Variants in USP53 observed in about 807,000 individuals in gnomAD.
The protein encoded by USP53 is ubiquitin specific peptidase 53.
A neutral mutation model predicts 94.9 loss-of-function variants in USP53; 71 were observed. The observed-to-expected ratio is 0.75, with a 90% CI of 0.62 to 0.91. USP53 has a LOEUF of 0.91. Ranked by LOEUF, USP53 falls within the 40% of genes least tolerant of loss-of-function variation. USP53 has a pLI of 0.00. For synonymous variants in USP53, 375 were observed against 422.7 expected, an observed-to-expected ratio of 0.89 and a Z score of 1.39; for missense variants, 1,173 against 1,281.0, an observed-to-expected ratio of 0.92 and a Z score of 1.29.
chr4:119,268,562 C>A, intron 14 of USP53, 142 bp downstream of exon 14: 1 of 849,166 alleles, frequency 1.2e-6, no homozygotes, highest in Non-Finnish European at 1.7e-6. Flanking sequence ...TTGATTTATG[C>A]ATTTCTCTGA....
In USP53 at chr4:119,269,676, T is replaced by A. The variant is rs1751604595; in HGVS notation, c.1289-15T>A. 3 of 1,372,102 alleles carry A rather than the reference T, an allele frequency of 2.2e-6. No homozygotes were observed. The highest frequency in any genetic ancestry group is 2.8e-6 in the Non-Finnish European group (3 of 1,056,098). 85.0% of individuals were successfully genotyped at this position (1,372,102 alleles called of 1,614,324 possible). ...AAAATGATCTGTATCATAGTAAGAA[T>A]GATTTCTTTTACAGCTAAGTTAAGT... is the stretch of plus-strand genomic sequence containing the variant. On this transcript the variant is annotated splice_polypyrimidine_tract_variant and intron_variant, in intron 14 of 18. Coordinates refer to ENST00000692078, the MANE Select transcript of USP53 (RefSeq NM_001371395.1).
chr4:119,269,566 C>G (rs1020492460), intron 14 of USP53, 125 bp from the exon 15 acceptor site: 1 of 572,208 alleles, frequency 1.7e-6, no homozygotes, highest in African/African-American at 2.0e-5. Flanking sequence ...CCATTGTATA[C>G]TATATATCTA....
chr4:119,227,229 AAATT>A (rs1021404478), intron 3 of USP53, among the ~76,000 whole-genome samples: 2 of 142,092 alleles, frequency 1.4e-5, no homozygotes, highest in East Asian at 2.1e-4. Context: ...TGTTTGGACA[AAATT>A]AATCCAAAGC....
chr4:119,276,388 T>A (rs1332170964), intron 17 of USP53, among the ~76,000 whole-genome samples: 1 of 150,594 alleles, frequency 6.6e-6, no homozygotes, highest in Non-Finnish European at 1.5e-5. Flanking sequence ...TCTGTTTATA[T>A]GCTGGATTAC....
chr4:119,279,263 G>T (rs1361354622), intron 17 of USP53, among the ~76,000 whole-genome samples: 1 of 111,580 alleles, frequency 9.0e-6, no homozygotes, highest in African/African-American at 3.5e-5. Flanking sequence ...TGATGGTGAT[G>T]TACAGATGGG....
intron 7 of USP53, among the ~76,000 whole-genome samples, chr4:119,250,460 A>C (rs867133850): frequency 6.6e-6 from 1 of 152,238 alleles, no homozygotes; most frequent in South Asian, 2.1e-4. Context: ...GCACACTTGC[A>C]TGTTGATTAA....
At chr4:119,266,318 A>G (rs1205846133) in intron 12 of USP53, 1 of 455,972 alleles carries the variant, frequency 2.2e-6, no homozygotes. Context: ...TTGAAGTGGG[A>G]TTTCTGGGTT....
chr4:119,292,349 A>T lies in USP53; in HGVS notation c.2360A>T (p.His787Leu), dbSNP rs1179012374. The change falls in exon 19 of 19, where the codon CAT becomes CTT. Residue 787 changes from histidine (H) to leucine (L), a missense_variant. Coordinates refer to ENST00000692078, the MANE Select transcript of USP53 (RefSeq NM_001371395.1). ...TTTTCATATTTCAGATCACATGTAC[A>T]TGAAGACAATGGAAAGTTATTTCCT... The part of the protein sequence containing the change: ...KNHLIKRSHV[H>L]EDNGKLFPSS... 4 of 1,599,704 alleles carry T rather than the reference A, an allele frequency of 2.5e-6. No individual in the cohort carries two copies. The highest frequency in any genetic ancestry group is 3.4e-6 in the Non-Finnish European group (4 of 1,174,264).
chr4:119,281,845 A>G (rs936073303), intron 17 of USP53, among the ~76,000 whole-genome samples: 3 of 152,246 alleles, frequency 2.0e-5, no homozygotes, highest in Admixed American at 6.5e-5. Context: ...CATTCTAACT[A>G]TTTTTAAGTG....
At chr4:119,235,615 C>T (rs1746633083) in intron 4 of USP53, among the ~76,000 whole-genome samples, 1 of 152,034 alleles carries the variant, frequency 6.6e-6, no homozygotes, top group South Asian at 2.1e-4. Context: ...TTAAAAAGGG[C>T]TTGTGAGATC....
chr4:119,272,213 A>G (rs1561312472), intron 16 of USP53, 179 bp downstream of exon 16: 4 of 496,744 alleles, frequency 8.1e-6, no homozygotes, highest in Non-Finnish European at 1.3e-5. Context: ...GAAACCTAGG[A>G]TATTGTAGTT....
chr4:119,226,767 A>G (rs1013400517), intron 3 of USP53, among the ~76,000 whole-genome samples: 4 of 152,190 alleles, frequency 2.6e-5, no homozygotes, highest in Admixed American at 6.5e-5. Flanking sequence ...AAGCACAATT[A>G]CTTTTGGACC....
At chr4:119,270,618 C>T (rs968732078) in intron 15 of USP53, among the ~76,000 whole-genome samples, 1 of 152,090 alleles carries the variant, frequency 6.6e-6, no homozygotes, top group African/African-American at 2.4e-5. Flanking sequence ...CTGACCTTCC[C>T]CCTCTTTACT....
intron 2 of USP53, among the ~76,000 whole-genome samples, chr4:119,217,146 G>T (rs1211788636): frequency 6.6e-6 from 1 of 152,062 alleles, no homozygotes; most frequent in African/African-American, 2.4e-5. Context: ...TCACTATCAG[G>T]GTATGGATTC....
intron 7 of USP53, among the ~76,000 whole-genome samples, chr4:119,253,640 A>C (rs1429284630): frequency 5.3e-5 from 8 of 152,072 alleles, no homozygotes; most frequent in Non-Finnish European, 8.8e-5. Flanking sequence ...TCTCCTGAAT[A>C]CAGCACACTG....
At chr4:119,218,900 T>A in intron 3 of USP53, 1 of 152,186 alleles carries the variant, frequency 6.6e-6, no homozygotes, top group East Asian at 1.9e-4. Flanking sequence ...AAGTCCTCAG[T>A]GTATCTTTGA....
At chr4:119,289,133 T>A (rs1455458234) in intron 17 of USP53, among the ~76,000 whole-genome samples, 1 of 152,192 alleles carries the variant, frequency 6.6e-6, no homozygotes, top group Non-Finnish European at 1.5e-5. Flanking sequence ...GGTGTCATGC[T>A]TAGTATTACC....
At chr4:119,273,757 G>A (rs773629001) in intron 17 of USP53, 49 bp downstream of exon 17, 1 of 1,449,158 alleles carries the variant, frequency 6.9e-7, no homozygotes, top group Admixed American at 1.8e-5. Flanking sequence ...ATGAATTATA[G>A]TAATTTATTG....
intron 12 of USP53, among the ~76,000 whole-genome samples, chr4:119,263,799 C>T (rs1220045046): frequency 3.3e-5 from 5 of 152,028 alleles, no homozygotes; most frequent in South Asian, 2.1e-4. Flanking sequence ...GGGCTGGTCA[C>T]GGGGGCTCAT....
Sources: allele counts gnomAD v4.1 joint callset (sites outside exome capture counted in the v4.1 genomes callset), GRCh38; gene constraint gnomAD v4.1.1; transcripts MANE v1.5; gene names NCBI Gene and HGNC (gene_info 2026-07-23, HGNC 2026-07-21).